Variants in GLRA2 observed in about 807,000 individuals in gnomAD.
GLRA2 encodes the protein glycine receptor alpha 2.
A neutral mutation model predicts 31.6 loss-of-function variants in GLRA2; 11 were observed. The ratio of observed to expected loss-of-function variants is 0.35; its 90% confidence interval spans 0.22 to 0.58. The LOEUF is 0.58. Ranked by LOEUF, GLRA2 falls within the 20% of genes least tolerant of loss-of-function variation. The pLI is 0.84. For synonymous variants in GLRA2, 132 were observed against 134.0 expected (o/e 0.99, Z 0.10); for missense variants, 212 against 351.8 (o/e 0.60, Z 3.18).
the GLRA2 span, among the ~76,000 whole-genome samples, chrX:14,466,678 G>T: frequency 9.0e-6 from 1 of 111,723 alleles, no homozygotes; most frequent in East Asian, 2.8e-4. Flanking sequence ...CATGGAAAAA[G>T]AAATCAATAA....
the GLRA2 span, among the ~76,000 whole-genome samples, chrX:14,509,511 G>T: frequency 8.9e-6 from 1 of 112,491 alleles, no homozygotes; most frequent in Admixed American, 9.4e-5. Flanking sequence ...AGGAAGAAAA[G>T]GACTTTCAGA....
intron 7 of GLRA2, among the ~76,000 whole-genome samples, chrX:14,642,396 C>G (rs1306744065): frequency 1.8e-5 from 2 of 112,025 alleles, no homozygotes; most frequent in Non-Finnish European, 3.8e-5. Flanking sequence ...CAAGGCACAG[C>G]TAAGTATGAT....
chrX:14,505,679 C>A, the GLRA2 span, among the ~76,000 whole-genome samples: 2 of 111,801 alleles, frequency 1.8e-5, no homozygotes, highest in African/African-American at 6.5e-5. Context: ...GGGATTAGGG[C>A]AATGACTTTA....
chrX:14,502,902 C>T, the GLRA2 span, among the ~76,000 whole-genome samples: 1 of 93,574 alleles, frequency 1.1e-5, no homozygotes, highest in African/African-American at 4.0e-5. Flanking sequence ...AAAAAAAAAA[C>T]CATGGCAGTA....
At chrX:14,649,075 G>A (rs778020849) in intron 7 of GLRA2, among the ~76,000 whole-genome samples, 7 of 110,522 alleles carry the variant, frequency 6.3e-5, no homozygotes, top group Admixed American at 1.9e-4. Context: ...TTAGCTGGGC[G>A]TGGTGGCACG....
At chrX:14,476,744 A>G in the GLRA2 span, among the ~76,000 whole-genome samples, 1 of 112,307 alleles carries the variant, frequency 8.9e-6, no homozygotes, top group Non-Finnish European at 1.9e-5. Flanking sequence ...ACAACGTAGC[A>G]AGTTGTTATA....
the GLRA2 span, among the ~76,000 whole-genome samples, chrX:14,466,662 T>C: frequency 8.9e-6 from 1 of 111,921 alleles, no homozygotes; most frequent in Non-Finnish European, 1.9e-5. Context: ...ACAGCACTTC[T>C]AAATGCATGG....
intron 2 of GLRA2, among the ~76,000 whole-genome samples, chrX:14,535,370 G>A (rs2089308506): frequency 8.9e-6 from 1 of 111,910 alleles, no homozygotes; most frequent in Admixed American, 9.5e-5. Flanking sequence ...GATGGGCTTT[G>A]AAAGATGTCA....
At chrX:14,708,501 C>T (rs1381822208) in intron 8 of GLRA2, among the ~76,000 whole-genome samples, 1 of 111,514 alleles carries the variant, frequency 9.0e-6, no homozygotes, top group Non-Finnish European at 1.9e-5. Flanking sequence ...TTGACCAGCC[C>T]ACACTCACAC....
chrX:14,484,486 G>T, the GLRA2 span, among the ~76,000 whole-genome samples: 1 of 112,197 alleles, frequency 8.9e-6, no homozygotes, highest in Admixed American at 9.5e-5. Flanking sequence ...TGGATGGAGA[G>T]TAGAATTTGG....
chrX:14,731,543 T>TAAG lies in GLRA2; in HGVS notation c.*1059_*1061dup, dbSNP rs1286955596. On this transcript the variant is annotated 3_prime_UTR_variant, in exon 9 of 9. Transcript: ENST00000218075. ...CCATGATTTCTACTGTCAGTCAATA[T>TAAG]AAGTGAACATTGTTTTAAATATCCT... The TAAG allele has an allele frequency of 8.9e-6, 1 of 111,920 alleles. No individual in the cohort carries two copies. The highest frequency in any genetic ancestry group is 2.8e-4 in the East Asian group (1 of 3,570). 9.2% of individuals were successfully genotyped at this position (111,920 alleles called of 1,213,427 possible).
the GLRA2 span, among the ~76,000 whole-genome samples, chrX:14,519,301 G>A: frequency 9.0e-6 from 1 of 111,512 alleles, no homozygotes; most frequent in Non-Finnish European, 1.9e-5. Context: ...TGAGTAATGG[G>A]AACAGATGTA....
the GLRA2 span, among the ~76,000 whole-genome samples, chrX:14,479,502 T>G: frequency 4.5e-5 from 5 of 111,353 alleles, no homozygotes; most frequent in Non-Finnish European, 9.4e-5. Context: ...GTACTGAGGA[T>G]AGCATCCAAT....
At chrX:14,549,920 G>A (rs796291722) in intron 2 of GLRA2, among the ~76,000 whole-genome samples, 1 of 111,697 alleles carries the variant, frequency 9.0e-6, no homozygotes, top group South Asian at 3.8e-4. Flanking sequence ...CAGAGAAAGA[G>A]TGGTTAGAAA....
chrX:14,476,622 G>T, the GLRA2 span, among the ~76,000 whole-genome samples: 1 of 111,716 alleles, frequency 9.0e-6, no homozygotes, highest in Non-Finnish European at 1.9e-5. Flanking sequence ...GTCTCAACCT[G>T]ACTCTACTGG....
intron 4 of GLRA2, among the ~76,000 whole-genome samples, chrX:14,587,753 T>C (rs1322676582): frequency 8.9e-6 from 1 of 112,030 alleles, no homozygotes; most frequent in African/African-American, 3.2e-5. Flanking sequence ...GTTTACTCTA[T>C]TGATAATTTC....
intron 7 of GLRA2, among the ~76,000 whole-genome samples, chrX:14,679,434 AAAAAG>A (rs538939552): frequency 9.3e-5 from 9 of 96,457 alleles, no homozygotes; most frequent in East Asian, 2.8e-4. Flanking sequence ...TGTTAAAAAA[AAAAAG>A]AAAAGAAAAA....
At chrX:14,576,067 A>AC (rs2089954521) in intron 3 of GLRA2, among the ~76,000 whole-genome samples, 1 of 109,029 alleles carries the variant, frequency 9.2e-6, no homozygotes, top group African/African-American at 3.3e-5. Flanking sequence ...TGAGAAGTAA[A>AC]AAAAAAAAAA....
chrX:14,495,007 C>T, the GLRA2 span, among the ~76,000 whole-genome samples: 8 of 111,658 alleles, frequency 7.2e-5, no homozygotes, highest in South Asian at 3.8e-4. Flanking sequence ...TCACTTCAGC[C>T]GGCTGCAATT....
Sources: allele counts gnomAD v4.1 joint callset (sites outside exome capture counted in the v4.1 genomes callset), GRCh38; gene constraint gnomAD v4.1.1; transcripts MANE v1.5; gene names NCBI Gene and HGNC (gene_info 2026-07-23, HGNC 2026-07-21).